The following EPB41 variants were observed in gnomAD, a reference collection of about 807,000 sequenced individuals.
EPB41 encodes the protein protein 4.1.
A neutral mutation model predicts 108.0 loss-of-function variants in EPB41; 65 were observed. The ratio of observed to expected loss-of-function variants is 0.60; its 90% CI spans 0.49 to 0.74. The LOEUF (loss-of-function observed/expected upper bound fraction) is 0.74. Among genes scored for constraint, EPB41 ranks in the 30% least tolerant of loss-of-function variants. The pLI is 0.00. For missense variants in EPB41, 875 were observed against 1,037.0 expected (o/e 0.84, Z 2.15); for synonymous variants, 336 against 358.9 (o/e 0.94, Z 0.72).
At chr1:28,913,906 C>T (rs1481270712), upstream of EPB41, among the ~76,000 whole-genome samples, 4 of 152,208 alleles carry the variant, frequency 2.6e-5, no homozygotes, top group East Asian at 7.7e-4. Flanking sequence ...TTGAGATTGC[C>T]AGGGGGGAAT....
chr1:29,016,886 C>T (rs929855820), intron 6 of EPB41, among the ~76,000 whole-genome samples: 1 of 152,142 alleles, frequency 6.6e-6, no homozygotes, highest in African/African-American at 2.4e-5. Flanking sequence ...TGATTCCAGG[C>T]AGATTTACAG....
intron 1 of EPB41, among the ~76,000 whole-genome samples, chr1:28,904,072 G>C (rs765403682): frequency 6.6e-6 from 1 of 151,748 alleles, no homozygotes; most frequent in Non-Finnish European, 1.5e-5. Flanking sequence ...TCACCATCTT[G>C]GCCAGGCTGG....
At chr1:29,104,190 G>A (rs1666376033) in intron 17 of EPB41, among the ~76,000 whole-genome samples, 1 of 152,142 alleles carries the variant, frequency 6.6e-6, no homozygotes, top group Non-Finnish European at 1.5e-5. Context: ...GCACATAAAT[G>A]TTTCCAAAGT....
At chr1:29,032,778 A>G (rs1416987805) in intron 8 of EPB41, among the ~76,000 whole-genome samples, 1 of 152,162 alleles carries the variant, frequency 6.6e-6, no homozygotes. Context: ...TGCTGAGTTT[A>G]TATAGGAATA....
At chr1:29,069,558 AAAAC>A in intron 16 of EPB41, 2 of 642,596 alleles carry the variant, frequency 3.1e-6, no homozygotes, top group Non-Finnish European at 4.1e-6. Context: ...TTCTGGAGCA[AAAAC>A]TAATTGCTAT....
chr1:28,964,926 G>C (rs1206221931), intron 1 of EPB41, among the ~76,000 whole-genome samples: 1 of 152,128 alleles, frequency 6.6e-6, no homozygotes, highest in Non-Finnish European at 1.5e-5. Context: ...AGCTCAGATT[G>C]TATATCAAAG....
At chr1:29,077,946 G>A (rs997850783) in intron 16 of EPB41, among the ~76,000 whole-genome samples, 3 of 152,164 alleles carry the variant, frequency 2.0e-5, no homozygotes, top group Non-Finnish European at 4.4e-5. Flanking sequence ...GGAGAGGGTG[G>A]CTGGGTGCAG....
intron 1 of EPB41, among the ~76,000 whole-genome samples, chr1:28,978,436 T>A (rs953309432): frequency 3.3e-5 from 5 of 151,566 alleles, no homozygotes; most frequent in Non-Finnish European, 5.9e-5. Flanking sequence ...AGTTGCTTCA[T>A]GTTAGGCAGA....
chr1:28,948,818 G>A (rs1161696895), intron 1 of EPB41, among the ~76,000 whole-genome samples: 5 of 151,908 alleles, frequency 3.3e-5, no homozygotes, highest in Non-Finnish European at 5.9e-5. Context: ...GCATGGTGGT[G>A]CGTGCCTGTA....
intron 15 of EPB41, among the ~76,000 whole-genome samples, chr1:29,061,262 TTTTTA>T (rs975703818): frequency 6.6e-6 from 1 of 151,902 alleles, no homozygotes; most frequent in Non-Finnish European, 1.5e-5. Flanking sequence ...ATATATAAAA[TTTTTA>T]TTTTATTTTA....
intron 4 of EPB41, among the ~76,000 whole-genome samples, chr1:28,999,305 G>A (rs1260195428): frequency 6.6e-6 from 1 of 152,204 alleles, no homozygotes; most frequent in Non-Finnish European, 1.5e-5. Flanking sequence ...AGGAGGGGGC[G>A]CTTGCAGTGA....
chr1:29,082,649 G>C lies in EPB41; in HGVS notation c.2185-15158G>C, dbSNP rs565792096. Among the ~76,000 whole-genome samples the C allele has an allele frequency of 1.6e-4, 25 of 152,172 alleles. No homozygotes were observed. The South Asian group carries it at 5.2e-3, about 32-fold the overall frequency. On this transcript the variant is annotated intron_variant, in intron 16 of 20. Transcript: ENST00000343067. ...ATAAAACTGACCACCAAACGCTTCT[G>C]GTCTGTTAGACATGCTTAGTATAAC...
intron 12 of EPB41, among the ~76,000 whole-genome samples, chr1:29,057,609 G>A (rs1490346315): frequency 6.6e-6 from 1 of 152,012 alleles, no homozygotes; most frequent in African/African-American, 2.4e-5. Flanking sequence ...GATTGATGAG[G>A]TTCTGTAAAG....
intron 1 of EPB41, among the ~76,000 whole-genome samples, chr1:28,924,060 A>G (rs1355953786): frequency 6.6e-6 from 1 of 152,174 alleles, no homozygotes; most frequent in Admixed American, 6.5e-5. Context: ...ACCACTAGCT[A>G]CCATATCCTG....
At chr1:28,990,855 G>C (rs1174616779) in intron 2 of EPB41, among the ~76,000 whole-genome samples, 1 of 152,160 alleles carries the variant, frequency 6.6e-6, no homozygotes, top group African/African-American at 2.4e-5. Context: ...TGACACAGAT[G>C]ATGGACAGTT....
At position 29,053,241 on chromosome 1, in the gene EPB41, G is replaced by T; in HGVS notation, c.1774G>T (p.Val592Leu). The T allele has an allele frequency of 6.2e-7, 1 of 1,614,186 alleles. No individual in the cohort carries two copies. The change falls in exon 12 of 21, where the codon GTG becomes TTG. Residue 592 changes from valine (V) to leucine (L), a missense_variant. Val to Leu is a conservative substitution (Grantham distance 32). This residue lies in a region of EPB41 where 519 missense variants were observed against 627.3 expected (regional missense o/e 0.83). Transcript: ENST00000343067. ...TVVPKAQKETVKAEVKKEDEP... is the reference protein window; with the variant it reads ...TVVPKAQKETLKAEVKKEDEP... ...GGTCCCTAAAGCACAGAAGGAAACA[G>T]TGAAGGCTGAAGTGAAAAAGGAAGA...
At chr1:28,929,562 A>C (rs990361353) in intron 1 of EPB41, among the ~76,000 whole-genome samples, 3 of 118,852 alleles carry the variant, frequency 2.5e-5, no homozygotes, top group African/African-American at 9.8e-5. Flanking sequence ...ACGGAGTTTC[A>C]CTCTTGTTGC....
intron 1 of EPB41, among the ~76,000 whole-genome samples, chr1:28,903,122 A>G (rs989550583): frequency 2.0e-5 from 3 of 152,148 alleles, no homozygotes; most frequent in Admixed American, 6.6e-5. Flanking sequence ...CAGTTAAAGT[A>G]CTTAGGCACT....
chr1:28,994,925 AC>A (rs2096128706), intron 3 of EPB41, among the ~76,000 whole-genome samples: 1 of 132,836 alleles, frequency 7.5e-6, no homozygotes. Context: ...CTCCCAAAGT[AC>A]TAAGATTATA....
Sources: allele counts gnomAD v4.1 joint callset (sites outside exome capture counted in the v4.1 genomes callset), GRCh38; gene constraint gnomAD v4.1.1; regional missense constraint gnomAD v4.1.1; transcripts MANE v1.5; gene names NCBI Gene and HGNC (gene_info 2026-07-23, HGNC 2026-07-21).